Variants in MAGI2 observed in about 807,000 individuals in gnomAD.
MAGI2 encodes the protein membrane associated guanylate kinase, WW and PDZ domain containing 2.
MAGI2 carries 35 observed loss-of-function variants against 133.3 expected under a neutral mutation model. The ratio of observed to expected loss-of-function variants is 0.26; its 90% CI spans 0.20 to 0.35. The LOEUF is 0.35. Ranked by LOEUF, MAGI2 falls within the 10% of genes least tolerant of loss-of-function variation. MAGI2 has a pLI of 1.00. For synonymous variants in MAGI2, 729 were observed against 710.6 expected (o/e 1.03, Z -0.41); for missense variants, 1,636 against 1,863.4 (o/e 0.88, Z 2.25).
chr7:78,934,442 T>A (rs1800367444), intron 2 of MAGI2, among the ~76,000 whole-genome samples: 1 of 152,082 alleles, frequency 6.6e-6, no homozygotes, highest in Non-Finnish European at 1.5e-5. Flanking sequence ...GGTGTCATAT[T>A]TTTTACTGTA....
At chr7:79,099,272 A>G (rs1042957972) in intron 1 of MAGI2, among the ~76,000 whole-genome samples, 6 of 152,138 alleles carry the variant, frequency 3.9e-5, no homozygotes, top group African/African-American at 1.4e-4. Flanking sequence ...AAAGAATACA[A>G]ATATTGAGTA....
At chr7:78,765,182 T>C (rs2151307363) in intron 2 of MAGI2, among the ~76,000 whole-genome samples, 1 of 152,302 alleles carries the variant, frequency 6.6e-6, no homozygotes, top group Middle Eastern at 3.4e-3. Flanking sequence ...CCTGGGACTG[T>C]CCTAGTGTAT....
At chr7:78,304,079 A>T (rs1057490675) in intron 9 of MAGI2, among the ~76,000 whole-genome samples, 2 of 152,128 alleles carry the variant, frequency 1.3e-5, no homozygotes, top group Non-Finnish European at 1.5e-5. Flanking sequence ...TAGCACATCC[A>T]TCTATTCCAT....
chr7:78,270,177 T>A (rs1272738500), intron 9 of MAGI2, among the ~76,000 whole-genome samples: 4 of 152,134 alleles, frequency 2.6e-5, no homozygotes, highest in Non-Finnish European at 5.9e-5. Context: ...AGCCTTGTAG[T>A]ATAGTTTGAA....
At chr7:78,143,143 A>C (rs1211902213) in intron 16 of MAGI2, among the ~76,000 whole-genome samples, 1 of 152,244 alleles carries the variant, frequency 6.6e-6, no homozygotes, top group African/African-American at 2.4e-5. Context: ...GTTCAACTAG[A>C]GTAATTTTAG....
At chr7:78,151,344 T>G (rs1823850807) in intron 16 of MAGI2, among the ~76,000 whole-genome samples, 1 of 152,118 alleles carries the variant, frequency 6.6e-6, no homozygotes, top group African/African-American at 2.4e-5. Flanking sequence ...GTAATACTTT[T>G]TTCTAAGGAG....
intron 2 of MAGI2, among the ~76,000 whole-genome samples, chr7:78,984,810 A>G (rs1043933393): frequency 7.2e-5 from 11 of 151,886 alleles, no homozygotes; most frequent in Non-Finnish European, 1.3e-4. Context: ...TTTATTGTCT[A>G]TCTTGTCCCA....
intron 9 of MAGI2, among the ~76,000 whole-genome samples, chr7:78,312,228 A>T (rs987836600): frequency 3.3e-5 from 5 of 151,820 alleles, no homozygotes; most frequent in African/African-American, 7.3e-5. Context: ...ATTTTGAAAC[A>T]TTTTTTTTCT....
At position 79,193,917 on chromosome 7, in the gene MAGI2, A is replaced by T. The variant is rs887510264; in HGVS notation, c.302-186711T>A. ...GGGCTTTGACAAGCCATCAAAAATG[A>T]GTCTCCTTTTACTCCTTAATTGATC... On this transcript the variant is annotated intron_variant, in intron 1 of 21. Transcript: ENST00000354212. Among the ~76,000 whole-genome samples, 13 of 151,998 alleles carry T rather than the reference A, an allele frequency of 8.6e-5. 1 individual carries two copies. Among genetic ancestry groups the T allele is most frequent in the African/African-American group, 3.1e-4 (13 of 41,360 alleles).
chr7:78,206,256 C>T (rs1829718745), intron 10 of MAGI2, among the ~76,000 whole-genome samples: 2 of 151,320 alleles, frequency 1.3e-5, no homozygotes, highest in African/African-American at 2.4e-5. Context: ...GTCAATTTGG[C>T]ATAACACCAA....
intron 10 of MAGI2, among the ~76,000 whole-genome samples, chr7:78,243,259 ACACACACACACT>A (rs1163425724): frequency 6.4e-5 from 5 of 78,470 alleles, no homozygotes; most frequent in East Asian, 4.2e-4. Flanking sequence ...ACACACACAC[ACACACACACACT>A]CTCTCTCTCT....
At chr7:79,057,615 C>G (rs772939702) in intron 1 of MAGI2, among the ~76,000 whole-genome samples, 93 of 152,148 alleles carry the variant, frequency 6.1e-4, no homozygotes, top group Non-Finnish European at 8.2e-4. Flanking sequence ...ATGATATCAC[C>G]TCTTTTAACT....
At chr7:78,434,099 T>C (rs1308461224) in intron 6 of MAGI2, among the ~76,000 whole-genome samples, 1 of 152,170 alleles carries the variant, frequency 6.6e-6, no homozygotes, top group East Asian at 1.9e-4. Flanking sequence ...ATATAGATTC[T>C]TAGATTAGAT....
chr7:78,173,991 TA>T (rs368608734), intron 14 of MAGI2, among the ~76,000 whole-genome samples: 1 of 151,980 alleles, frequency 6.6e-6, no homozygotes, highest in Non-Finnish European at 1.5e-5. Flanking sequence ...CTGGGGGAAC[TA>T]AAAAAAACAT....
chr7:78,021,955 G>A (rs766855871), intron 21 of MAGI2, among the ~76,000 whole-genome samples: 11 of 152,328 alleles, frequency 7.2e-5, no homozygotes, highest in Non-Finnish European at 1.3e-4. Flanking sequence ...CCTACTTATG[G>A]ATTGGGCTCC....
intron 21 of MAGI2, among the ~76,000 whole-genome samples, chr7:78,060,254 C>CCCCG (rs3084736): frequency 7.3e-5 from 10 of 136,804 alleles, no homozygotes; most frequent in South Asian, 2.6e-4. Context: ...ACCCCCCCCC[C>CCCCG]TCTTTAGATT....
In MAGI2 at chr7:78,546,487, A is replaced by G. The variant is rs915963184; in HGVS notation, c.539-24842T>C. On this transcript the variant is annotated intron_variant, in intron 3 of 21. Coordinates refer to ENST00000354212, the MANE Select transcript of MAGI2 (RefSeq NM_012301.4). ...AAAGATAGACAAGCCTGCAGGTCTA[A>G]TTATCTTTTCTATTAATTCTAAAAA... is the stretch of plus-strand genomic sequence containing the variant. Among the ~76,000 whole-genome samples the G allele has an allele frequency of 1.1e-4, 16 of 152,208 alleles. No individual in the cohort carries two copies. The East Asian group carries it at 2.5e-3, about 24-fold the overall frequency.
chr7:78,147,930 G>A (rs540558566), intron 16 of MAGI2, among the ~76,000 whole-genome samples: 29 of 151,496 alleles, frequency 1.9e-4, no homozygotes, highest in African/African-American at 6.3e-4. Flanking sequence ...AAAATAACAA[G>A]TACTCACAAG....
intron 2 of MAGI2, among the ~76,000 whole-genome samples, chr7:78,943,957 A>G (rs1318038278): frequency 6.6e-6 from 1 of 152,164 alleles, no homozygotes; most frequent in Non-Finnish European, 1.5e-5. Flanking sequence ...TTCACTGCAG[A>G]CTTGTGAAAA....
Sources: gnomAD v4.1 joint callset for allele counts (sites outside exome capture counted in the v4.1 genomes callset) on GRCh38, gnomAD v4.1.1 for gene constraint, MANE v1.5 for transcripts, NCBI Gene and HGNC (gene_info 2026-07-23, HGNC 2026-07-21) for gene names.